The following TCF7L2 variants were observed in gnomAD, a reference collection of about 807,000 sequenced individuals.
TCF7L2 encodes the protein transcription factor 7 like 2.
TCF7L2 carries 23 observed loss-of-function variants against 77.9 expected under a neutral mutation model. The ratio of observed to expected loss-of-function variants is 0.30; its 90% confidence interval spans 0.21 to 0.42. TCF7L2 has a LOEUF of 0.42. Among genes scored for constraint, TCF7L2 ranks in the 10% least tolerant of loss-of-function variants. The pLI, the probability that TCF7L2 is intolerant of heterozygous loss-of-function variation, is 1.00. For missense variants in TCF7L2, 654 were observed against 793.1 expected, an observed-to-expected ratio of 0.82 and a Z score of 2.11; for synonymous variants, 413 against 340.2, an observed-to-expected ratio of 1.21 and a Z score of -2.36.
At chr10:113,036,307 A>G (rs185172934) in intron 4 of TCF7L2, among the ~76,000 whole-genome samples, 3 of 152,218 alleles carry the variant, frequency 2.0e-5, no homozygotes, top group East Asian at 3.9e-4. Context: ...AGGCCCCTCT[A>G]TGGGAGCAGG....
chr10:113,004,913 A>G lies in TCF7L2; in HGVS notation c.451-35112A>G, dbSNP rs945819845. Among the ~76,000 whole-genome samples the G allele has an allele frequency of 1.9e-4, 29 of 152,114 alleles. No homozygotes were observed. The East Asian group carries it at 4.5e-3, about 23-fold the overall frequency. ...GGTCACAAACTCCCGACCTCAGGCA[A>G]TCCGCCCGCCTCGGCCTCCCAAAGG... is the stretch of plus-strand genomic sequence containing the variant. On this transcript the variant is annotated intron_variant, in intron 4 of 13. Transcript: ENST00000627217.
At chr10:113,087,796 C>T (rs953110784) in intron 5 of TCF7L2, among the ~76,000 whole-genome samples, 3 of 152,140 alleles carry the variant, frequency 2.0e-5, no homozygotes, top group African/African-American at 7.2e-5. Flanking sequence ...GCAATGGCCC[C>T]CTCTCATTTT....
intron 5 of TCF7L2, among the ~76,000 whole-genome samples, chr10:113,124,288 C>T (rs2065244123): frequency 6.6e-6 from 1 of 152,138 alleles, no homozygotes; most frequent in South Asian, 2.1e-4. Flanking sequence ...TCGAACAAAA[C>T]TCTAATTTAG....
chr10:112,984,909 C>T (rs139369331), intron 4 of TCF7L2, among the ~76,000 whole-genome samples: 172 of 152,190 alleles, frequency 1.1e-3, no homozygotes, highest in Non-Finnish European at 1.8e-3. Context: ...GATAAGGAGG[C>T]GTTCTGGGAT....
chr10:113,108,446 G>T (rs1002001474), intron 5 of TCF7L2, among the ~76,000 whole-genome samples: 11 of 152,056 alleles, frequency 7.2e-5, no homozygotes, highest in Non-Finnish European at 1.5e-4. Context: ...GGGCCATTGT[G>T]GGGGGGAGGG....
intron 5 of TCF7L2, among the ~76,000 whole-genome samples, chr10:113,111,520 G>A (rs778245140): frequency 1.3e-5 from 2 of 152,168 alleles, no homozygotes; most frequent in Middle Eastern, 3.2e-3. Flanking sequence ...AACTGGGTGC[G>A]GTGGCTCACG....
intron 4 of TCF7L2, among the ~76,000 whole-genome samples, chr10:112,970,974 G>C (rs1417052984): frequency 6.6e-6 from 1 of 152,202 alleles, no homozygotes; most frequent in Non-Finnish European, 1.5e-5. Flanking sequence ...TAGTTTGATA[G>C]AACCTGTGGA....
intron 5 of TCF7L2, among the ~76,000 whole-genome samples, chr10:113,082,369 A>G (rs1323750956): frequency 6.6e-6 from 1 of 151,626 alleles, no homozygotes; most frequent in Non-Finnish European, 1.5e-5. Context: ...TTTTCCCTGT[A>G]CTGTTTATGA....
In TCF7L2 at chr10:112,962,367, C is replaced by G. The variant is rs11817474; in HGVS notation, c.382-2189C>G. ...GAGAGGGACAAGTTGTTAGTGTTGC[C>G]TACTCTGCTTTGAAGGAGAACCCTC... On this transcript the variant is annotated intron_variant, in intron 3 of 13. Coordinates refer to ENST00000627217, the MANE Select transcript of TCF7L2 (RefSeq NM_001146274.2). Among the ~76,000 whole-genome samples, 1,026 of 103,680 alleles carry G rather than the reference C, an allele frequency of 9.9e-3. 9 individuals are homozygous for G. The highest frequency in any genetic ancestry group is 0.052 in the African/African-American group (985 of 18,772). 68.0% of individuals were successfully genotyped at this position (103,680 alleles called of 152,430 possible).
chr10:113,132,922 A>G (rs376565956), intron 5 of TCF7L2: 11 of 152,280 alleles, frequency 7.2e-5, no homozygotes, highest in African/African-American at 2.6e-4. Flanking sequence ...CTCCAGGTTG[A>G]GAATTTTGTG....
At chr10:113,014,374 C>A (rs181630805) in intron 4 of TCF7L2, among the ~76,000 whole-genome samples, 1 of 152,110 alleles carries the variant, frequency 6.6e-6, no homozygotes. Context: ...GGTAGTTTTG[C>A]GAGGGTTAAT....
At chr10:112,984,860 A>G (rs899900245) in intron 4 of TCF7L2, among the ~76,000 whole-genome samples, 3 of 152,204 alleles carry the variant, frequency 2.0e-5, no homozygotes, top group Non-Finnish European at 2.9e-5. Context: ...TAGAAGCCAT[A>G]AAAGTGTTGT....
chr10:113,142,791 A>G (rs542360846), intron 6 of TCF7L2, among the ~76,000 whole-genome samples: 1 of 152,316 alleles, frequency 6.6e-6, no homozygotes, highest in South Asian at 2.1e-4. Context: ...TAGCTTTTAA[A>G]TGGTTATCGT....
Position 113,046,655 on chromosome 10 carries a change from A to G in TCF7L2, c.552+6529A>G, listed in dbSNP as rs193120572. On this transcript the variant is annotated intron_variant, in intron 5 of 13. Coordinates refer to ENST00000627217, the MANE Select transcript of TCF7L2 (RefSeq NM_001146274.2). Reference sequence around the variant, plus strand: ...TCATCAGTGACTGGTATCTTAGACTACTTAAGGATGGGAATTGCTAATTTT... The same window carrying G: ...TCATCAGTGACTGGTATCTTAGACTGCTTAAGGATGGGAATTGCTAATTTT... Among the ~76,000 whole-genome samples the G allele has an allele frequency of 1.6e-3, 241 of 152,282 alleles. 1 individual carries two copies. The highest frequency in any genetic ancestry group is 5.6e-3 in the African/African-American group (234 of 41,534).
intron 4 of TCF7L2, among the ~76,000 whole-genome samples, chr10:113,014,772 C>A (rs529593860): frequency 1.3e-5 from 2 of 152,144 alleles, no homozygotes; most frequent in East Asian, 3.9e-4. Context: ...GGCGACAGAG[C>A]GAGACTTCAT....
intron 3 of TCF7L2, among the ~76,000 whole-genome samples, chr10:112,955,031 T>C (rs1276402430): frequency 6.6e-6 from 1 of 152,226 alleles, no homozygotes; most frequent in Non-Finnish European, 1.5e-5. Context: ...TAATCCTTTC[T>C]AATACAAAAG....
At chr10:112,966,446 G>A (rs550590145) in intron 4 of TCF7L2, among the ~76,000 whole-genome samples, 1 of 152,020 alleles carries the variant, frequency 6.6e-6, no homozygotes, top group Non-Finnish European at 1.5e-5. Flanking sequence ...TTAGGTGCGG[G>A]ACTTGGTTAG....
intron 4 of TCF7L2, among the ~76,000 whole-genome samples, chr10:112,988,323 T>G (rs1399084068): frequency 6.6e-6 from 1 of 152,186 alleles, no homozygotes; most frequent in Non-Finnish European, 1.5e-5. Context: ...GGTCTCGAAC[T>G]CCTGACCTCA....
At chr10:113,101,271 G>A (rs974940900) in intron 5 of TCF7L2, among the ~76,000 whole-genome samples, 3 of 152,098 alleles carry the variant, frequency 2.0e-5, no homozygotes, top group African/African-American at 7.2e-5. Flanking sequence ...AAGATAGCTG[G>A]GCACAGTTGT....
Sources: allele counts gnomAD v4.1 joint callset (sites outside exome capture counted in the v4.1 genomes callset), GRCh38; gene constraint gnomAD v4.1.1; transcripts MANE v1.5; gene names NCBI Gene and HGNC (gene_info 2026-07-23, HGNC 2026-07-21).